Variants in LRRC4C observed in about 807,000 individuals in gnomAD.
The protein encoded by LRRC4C is leucine-rich repeat-containing protein 4C.
Under a neutral mutation model 33.6 loss-of-function variants are expected in LRRC4C, and 5 were observed. That is an observed-to-expected ratio of 0.15 (90% CI 0.08 to 0.31). The LOEUF is 0.31. Ranked by LOEUF, LRRC4C falls within the 10% of genes least tolerant of loss-of-function variation. The pLI, the probability that LRRC4C is intolerant of heterozygous loss-of-function variation, is 1.00. For missense variants in LRRC4C, 560 were observed against 796.7 expected, an observed-to-expected ratio of 0.70 and a Z score of 3.58; for synonymous variants, 329 against 302.0, an observed-to-expected ratio of 1.09 and a Z score of -0.93.
intron 3 of LRRC4C, among the ~76,000 whole-genome samples, chr11:40,342,714 C>T (rs1000195063): frequency 2.4e-4 from 36 of 152,104 alleles, no homozygotes; most frequent in African/African-American, 8.7e-4. Context: ...CAGTTTTGTA[C>T]TTTGCTTTTT....
intron 3 of LRRC4C, among the ~76,000 whole-genome samples, chr11:40,591,925 T>C (rs74925365): frequency 0.017 from 2,565 of 152,330 alleles, 88 homozygotes; most frequent in African/African-American, 0.058. Flanking sequence ...TCGAATTCTT[T>C]CTTTGCTTTA....
chr11:40,189,724 G>C (rs968377624), intron 5 of LRRC4C, among the ~76,000 whole-genome samples: 1 of 152,138 alleles, frequency 6.6e-6, no homozygotes, highest in African/African-American at 2.4e-5. Flanking sequence ...GTGATCATTC[G>C]AATATATGTG....
At chr11:40,667,980 G>A (rs568947677) in intron 2 of LRRC4C, among the ~76,000 whole-genome samples, 1 of 152,224 alleles carries the variant, frequency 6.6e-6, no homozygotes, top group Non-Finnish European at 1.5e-5. Context: ...GAAAACTTTG[G>A]GTTATCAGTG....
chr11:40,443,445 A>C (rs1951485174), intron 3 of LRRC4C, among the ~76,000 whole-genome samples: 2 of 152,188 alleles, frequency 1.3e-5, no homozygotes, highest in African/African-American at 2.4e-5. Context: ...GAGTGATGTC[A>C]AAGACGAGAC....
At chr11:40,837,857 AT>A (rs1952742932) in intron 2 of LRRC4C, among the ~76,000 whole-genome samples, 1 of 144,700 alleles carries the variant, frequency 6.9e-6, no homozygotes, top group African/African-American at 2.6e-5. Flanking sequence ...GAAAAAAAAA[AT>A]AGAGGAAAAT....
intron 4 of LRRC4C, among the ~76,000 whole-genome samples, chr11:40,286,269 T>C (rs1217510331): frequency 1.3e-5 from 2 of 152,168 alleles, no homozygotes; most frequent in African/African-American, 2.4e-5. Flanking sequence ...TGTAGTCTCT[T>C]TCTCTTAAAA....
At chr11:40,856,023 TTAC>T (rs1439508311) in intron 2 of LRRC4C, among the ~76,000 whole-genome samples, 1 of 152,172 alleles carries the variant, frequency 6.6e-6, no homozygotes, top group African/African-American at 2.4e-5. Flanking sequence ...TCTTAATTTT[TTAC>T]TTTTTCTTTC....
intron 2 of LRRC4C, among the ~76,000 whole-genome samples, chr11:40,914,406 T>C (rs1454277624): frequency 6.6e-6 from 1 of 152,164 alleles, no homozygotes; most frequent in African/African-American, 2.4e-5. Context: ...TGCAAATCAA[T>C]AAACGTAATC....
chr11:40,987,723 A>T (rs548609424), intron 1 of LRRC4C, among the ~76,000 whole-genome samples: 1 of 146,908 alleles, frequency 6.8e-6, no homozygotes, highest in Admixed American at 6.9e-5. Flanking sequence ...TGATATATAT[A>T]GTTTCTGTTT....
chr11:41,180,977 C>T (rs1010888924), intron 1 of LRRC4C, among the ~76,000 whole-genome samples: 2 of 151,654 alleles, frequency 1.3e-5, no homozygotes, highest in African/African-American at 4.8e-5. Context: ...GACATGTATT[C>T]GTGCAGACTC....
rs78255196 is a variant in LRRC4C, at chr11:40,990,300, G to A, written c.-495-56577C>T. Among the ~76,000 whole-genome samples the A allele has an allele frequency of 3.3e-3, 426 of 130,260 alleles. 2 individuals are homozygous for A. Among genetic ancestry groups the A allele is most frequent in the African/African-American group, 0.012 (411 of 35,356 alleles). The allele number at this position is 130,260 out of a possible 152,430, so 85.5% of individuals were successfully genotyped here. A position where few individuals can be genotyped will look rare whatever the true frequency, so the allele number is the denominator to read the frequency against. On this transcript the variant is annotated intron_variant, in intron 1 of 6. Coordinates refer to ENST00000528697, the MANE Select transcript of LRRC4C (RefSeq NM_001258419.2). Reference sequence around the variant, plus strand: ...GAATATATGAGTATTCTTGACACATGTATAAGTCAAGTAATGATGCTGTTT... The same window carrying A: ...GAATATATGAGTATTCTTGACACATATATAAGTCAAGTAATGATGCTGTTT...
Position 41,094,063 on chromosome 11 carries a change from C to G in LRRC4C, c.-495-160340G>C, listed in dbSNP as rs117645603. On this transcript the variant is annotated intron_variant, in intron 1 of 6. Coordinates refer to ENST00000528697, the MANE Select transcript of LRRC4C (RefSeq NM_001258419.2). ...GACGGAGGTTGCAGTGAGCGGTGATCACGAGATCACACCACTGCACTCCAG... is the reference window on the plus strand; with the variant it reads ...GACGGAGGTTGCAGTGAGCGGTGATGACGAGATCACACCACTGCACTCCAG... Among the ~76,000 whole-genome samples the G allele has an allele frequency of 6.3e-3, 950 of 149,848 alleles. 8 individuals carry two copies. Among genetic ancestry groups the G allele is most frequent in the Non-Finnish European group, 1.0e-2 (674 of 67,404 alleles).
intron 1 of LRRC4C, among the ~76,000 whole-genome samples, chr11:41,080,262 A>G (rs1368969921): frequency 6.6e-6 from 1 of 150,940 alleles, no homozygotes; most frequent in Non-Finnish European, 1.5e-5. Flanking sequence ...AGGAAGTGAT[A>G]GTGTTTGCAC....
intron 1 of LRRC4C, among the ~76,000 whole-genome samples, chr11:41,417,957 AAT>A (rs1330096371): frequency 1.2e-5 from 1 of 86,158 alleles, no homozygotes; most frequent in African/African-American, 2.9e-5. Context: ...TATATATACA[AAT>A]ATATACAAAT....
intron 2 of LRRC4C, among the ~76,000 whole-genome samples, chr11:40,812,953 TA>T (rs1951554198): frequency 1.3e-5 from 2 of 152,088 alleles, no homozygotes; most frequent in South Asian, 4.1e-4. Flanking sequence ...GGAAAAAAAA[TA>T]CATGATGATA....
chr11:40,634,316 C>T (rs1046119427), intron 3 of LRRC4C, among the ~76,000 whole-genome samples: 5 of 152,056 alleles, frequency 3.3e-5, no homozygotes, highest in Non-Finnish European at 1.5e-5. Flanking sequence ...GATACTGTAA[C>T]CTCATTTATA....
chr11:40,578,179 A>G (rs1467778117), intron 3 of LRRC4C, among the ~76,000 whole-genome samples: 3 of 73,880 alleles, frequency 4.1e-5, no homozygotes, highest in African/African-American at 1.8e-4. Context: ...TTGCCTCTTA[A>G]CTAAGGATTT....
intron 1 of LRRC4C, among the ~76,000 whole-genome samples, chr11:40,947,924 A>C (rs974215438): frequency 3.9e-5 from 6 of 152,092 alleles, no homozygotes; most frequent in African/African-American, 1.4e-4. Context: ...TCTCAATTTA[A>C]TATTCAATGG....
intron 2 of LRRC4C, among the ~76,000 whole-genome samples, chr11:40,790,766 G>C (rs1565066012): frequency 6.6e-6 from 1 of 152,190 alleles, no homozygotes; most frequent in Admixed American, 6.5e-5. Flanking sequence ...AAAATCATTA[G>C]TGTTTGTGAT....
Sources: gnomAD v4.1 joint callset for allele counts (sites outside exome capture counted in the v4.1 genomes callset) on GRCh38, gnomAD v4.1.1 for gene constraint, MANE v1.5 for transcripts, NCBI Gene and HGNC (gene_info 2026-07-23, HGNC 2026-07-21) for gene names.